Variants in TUT7 observed in about 807,000 individuals in gnomAD.
The protein encoded by TUT7 is terminal uridylyl transferase 7, also known as terminal uridylyltransferase 7.
In TUT7, 33 loss-of-function variants were observed where a neutral mutation model predicts 165.9. The ratio of observed to expected loss-of-function variants is 0.20; its 90% CI spans 0.15 to 0.27. TUT7 has a LOEUF of 0.27. Among genes scored for constraint, TUT7 ranks in the 10% least tolerant of loss-of-function variants. The probability of loss-of-function intolerance (pLI) is 1.00; values close to 1 mark genes in which losing one functional copy is unlikely to be tolerated. For synonymous variants in TUT7, 552 were observed against 608.1 expected (o/e 0.91, Z 1.36); for missense variants, 1,338 against 1,762.3 (o/e 0.76, Z 4.31).
At chr9:86,333,954 T>C (rs1306096300) in intron 10 of TUT7, among the ~76,000 whole-genome samples, 1 of 152,072 alleles carries the variant, frequency 6.6e-6, no homozygotes, top group Non-Finnish European at 1.5e-5. Context: ...TAAAGACTTC[T>C]TAAAAAAGGT....
At chr9:86,343,340 T>C (rs1831473681) in intron 5 of TUT7, among the ~76,000 whole-genome samples, 177 bp from the exon 6 acceptor site, 1 of 152,176 alleles carries the variant, frequency 6.6e-6, no homozygotes, top group Non-Finnish European at 1.5e-5. Context: ...GCTCTTCACT[T>C]AATTTAATAG....
chr9:86,318,489 C>G (rs1248978821), intron 16 of TUT7, among the ~76,000 whole-genome samples: 2 of 152,192 alleles, frequency 1.3e-5, no homozygotes, highest in African/African-American at 4.8e-5. Context: ...GCAGGAGGAA[C>G]AGATATTATA....
Position 86,338,809 on chromosome 9 carries a change from G to A in TUT7, c.1335+14C>T. The stretch of plus-strand genomic sequence containing the variant: ...TATGTAGAATGTATTCATGCATAAA[G>A]ACCTCAAGCCTACCTTTGCCCAGTA... On this transcript the variant is annotated intron_variant, in intron 9 of 26. Transcript: ENST00000375963. 2 of 1,588,750 alleles carry A rather than the reference G, an allele frequency of 1.3e-6. No individual in the cohort carries two copies. Among genetic ancestry groups the A allele is most frequent in the Non-Finnish European group, 1.7e-6 (2 of 1,168,188 alleles).
At chr9:86,318,817 T>G (rs1222897327) in intron 16 of TUT7, 141 bp downstream of exon 16, 8 of 536,284 alleles carry the variant, frequency 1.5e-5, no homozygotes, top group Non-Finnish European at 2.6e-5. Flanking sequence ...CCTCTTAATG[T>G]ATTTGGCCAG....
intron 26 of TUT7, among the ~76,000 whole-genome samples, chr9:86,293,465 C>G (rs1826046871): frequency 6.6e-6 from 1 of 151,310 alleles, no homozygotes; most frequent in African/African-American, 2.4e-5. Flanking sequence ...TACAAAAGTA[C>G]AAAGAAAGAT....
At chr9:86,317,630 A>G (rs191511034) in intron 16 of TUT7, among the ~76,000 whole-genome samples, 1 of 152,294 alleles carries the variant, frequency 6.6e-6, no homozygotes, top group East Asian at 1.9e-4. Flanking sequence ...CCCAGAATAA[A>G]TGAGAGGAGG....
chr9:86,303,352 A>T, intron 24 of TUT7, 151 bp from the exon 25 acceptor site: 1 of 480,130 alleles, frequency 2.1e-6, no homozygotes, highest in Non-Finnish European at 3.7e-6. Context: ...TCCAAACAAA[A>T]TCTAAGACCA....
intron 12 of TUT7, 33 bp downstream of exon 12, chr9:86,325,301 G>GT: frequency 6.3e-7 from 1 of 1,599,662 alleles, no homozygotes; most frequent in Non-Finnish European, 8.5e-7. Context: ...AAAAAAAAGA[G>GT]TGGGGGGGAA....
At chr9:86,342,964 T>C in intron 6 of TUT7, 111 bp downstream of exon 6, 2 of 763,148 alleles carry the variant, frequency 2.6e-6, no homozygotes, top group East Asian at 2.9e-5. Context: ...GATGCTGTCA[T>C]TACACTTAAA....
chr9:86,351,764 G>A (rs1346743539), intron 2 of TUT7, among the ~76,000 whole-genome samples: 1 of 152,142 alleles, frequency 6.6e-6, no homozygotes, highest in Non-Finnish European at 1.5e-5. Context: ...ATTTAAAAGT[G>A]CTGGCCAGTT....
At chr9:86,309,364 G>T in intron 20 of TUT7, 75 bp from the exon 21 acceptor site, 1 of 1,419,132 alleles carries the variant, frequency 7.0e-7, no homozygotes, top group Non-Finnish European at 9.7e-7. Context: ...AGGAAAATAG[G>T]TAAAAAATTA....
chr9:86,304,261 AT>A (rs1827242997), intron 24 of TUT7, among the ~76,000 whole-genome samples: 1 of 152,200 alleles, frequency 6.6e-6, no homozygotes, highest in Non-Finnish European at 1.5e-5. Flanking sequence ...GTATAAGGAA[AT>A]TAATGCAGAA....
intron 14 of TUT7, among the ~76,000 whole-genome samples, chr9:86,321,092 C>T (rs1423611291): frequency 6.6e-6 from 1 of 152,038 alleles, no homozygotes; most frequent in East Asian, 1.9e-4. Flanking sequence ...GTGGCTCACG[C>T]CTGTAATCCC....
chr9:86,346,136 A>G (rs1831739265), intron 3 of TUT7, among the ~76,000 whole-genome samples, 163 bp downstream of exon 3: 1 of 152,134 alleles, frequency 6.6e-6, no homozygotes, highest in Admixed American at 6.5e-5. Context: ...AATGACTCCT[A>G]ATCCTATTAA....
At chr9:86,310,120 T>C in intron 18 of TUT7, 103 bp from the exon 19 acceptor site, 4 of 973,888 alleles carry the variant, frequency 4.1e-6, no homozygotes, top group Non-Finnish European at 3.0e-6. Flanking sequence ...GATCTCACTA[T>C]GTTGCCCAGG....
chr9:86,327,779 G>GA (rs1198478109), intron 11 of TUT7, among the ~76,000 whole-genome samples: 5 of 152,178 alleles, frequency 3.3e-5, no homozygotes, highest in African/African-American at 1.2e-4. Context: ...TCGATTCCAA[G>GA]AATTTTGTGG....
intron 13 of TUT7, 32 bp from the exon 14 acceptor site, chr9:86,322,507 T>G (rs767545237): frequency 6.3e-7 from 1 of 1,581,744 alleles, no homozygotes; most frequent in Non-Finnish European, 8.6e-7. Context: ...AAACAAGACT[T>G]AACACTTTAT....
chr9:86,308,301 G>A, intron 22 of TUT7, 128 bp downstream of exon 22: 1 of 767,656 alleles, frequency 1.3e-6, no homozygotes, highest in South Asian at 2.5e-5. Context: ...AGTTGGCCTG[G>A]TATGGACAAT....
At chr9:86,351,899 A>G (rs1832335757) in intron 2 of TUT7, among the ~76,000 whole-genome samples, 2 of 152,198 alleles carry the variant, frequency 1.3e-5, no homozygotes, top group South Asian at 2.1e-4. Context: ...ATTTCGGTAT[A>G]TATCTCCCAT....
Sources: gnomAD v4.1 joint callset for allele counts (sites outside exome capture counted in the v4.1 genomes callset) on GRCh38, gnomAD v4.1.1 for gene constraint, MANE v1.5 for transcripts, NCBI Gene and HGNC (gene_info 2026-07-23, HGNC 2026-07-21) for gene names.